The following TMTC1 variants were observed in gnomAD, a reference collection of about 807,000 sequenced individuals.
TMTC1 encodes the protein transmembrane O-mannosyltransferase targeting cadherins 1.
A neutral mutation model predicts 104.8 loss-of-function variants in TMTC1; 73 were observed. The ratio of observed to expected loss-of-function variants is 0.70; its 90% CI spans 0.58 to 0.85. The LOEUF (loss-of-function observed/expected upper bound fraction) is 0.85. Ranked by LOEUF, TMTC1 falls within the 40% of genes least tolerant of loss-of-function variation. TMTC1 has a pLI of 0.00. For missense variants in TMTC1, 1,035 were observed against 1,096.1 expected (o/e 0.94, Z 0.79); for synonymous variants, 434 against 428.7 (o/e 1.01, Z -0.15).
chr12:29,659,945 TC>T, intron 5 of TMTC1: 1 of 1,536,022 alleles, frequency 6.5e-7, no homozygotes, highest in Non-Finnish European at 8.7e-7. Flanking sequence ...GCATAGATCC[TC>T]CCATTATCCA....
intron 5 of TMTC1, chr12:29,658,861 A>G (rs2136633831): frequency 1.3e-5 from 2 of 152,496 alleles, no homozygotes; most frequent in South Asian, 4.1e-4. Context: ...TTCTTAAAAC[A>G]TTATAGCAAC....
chr12:29,753,848 G>A (rs138384929), intron 4 of TMTC1, among the ~76,000 whole-genome samples: 13 of 152,286 alleles, frequency 8.5e-5, no homozygotes, highest in East Asian at 3.9e-4. Context: ...CAGCACTACC[G>A]GATATGAAAG....
chr12:29,514,390 T>G, intron 16 of TMTC1, 92 bp downstream of exon 16: 1 of 1,353,672 alleles, frequency 7.4e-7, no homozygotes, highest in Non-Finnish European at 1.0e-6. Context: ...GCCAGTGATC[T>G]TAGATCTTAC....
At chr12:29,631,130 A>G (rs1332317214) in intron 6 of TMTC1, among the ~76,000 whole-genome samples, 1 of 152,162 alleles carries the variant, frequency 6.6e-6, no homozygotes, top group Non-Finnish European at 1.5e-5. Context: ...GAGTTTTAAG[A>G]GCACTTTTAA....
At chr12:29,533,277 C>A (rs977261541) in intron 11 of TMTC1, 1 of 152,062 alleles carries the variant, frequency 6.6e-6, no homozygotes, top group Non-Finnish European at 1.5e-5. Context: ...AAATTTCTCC[C>A]CTCAGGTTAC....
intron 15 of TMTC1, among the ~76,000 whole-genome samples, chr12:29,515,381 G>A (rs1174208651): frequency 6.6e-6 from 1 of 152,078 alleles, no homozygotes; most frequent in Non-Finnish European, 1.5e-5. Context: ...AAAACCCTTG[G>A]CCTGGCCCCA....
intron 6 of TMTC1, among the ~76,000 whole-genome samples, chr12:29,607,910 G>A (rs1946745683): frequency 6.6e-6 from 1 of 152,154 alleles, no homozygotes; most frequent in South Asian, 2.1e-4. Flanking sequence ...ACCCTACATT[G>A]CTAATCTTGT....
intron 5 of TMTC1, chr12:29,661,000 G>C: frequency 2.2e-6 from 1 of 451,112 alleles, no homozygotes; most frequent in Non-Finnish European, 3.4e-6. Context: ...AATGCTGAGA[G>C]CAGGGCCTCT....
At chr12:29,596,645 C>T (rs1316021714) in intron 7 of TMTC1, among the ~76,000 whole-genome samples, 1 of 152,186 alleles carries the variant, frequency 6.6e-6, no homozygotes, top group Non-Finnish European at 1.5e-5. Flanking sequence ...GTGCATTGAG[C>T]TTTTAACTGA....
intron 7 of TMTC1, among the ~76,000 whole-genome samples, chr12:29,590,927 C>T (rs553580773): frequency 6.6e-6 from 1 of 152,304 alleles, no homozygotes; most frequent in Non-Finnish European, 1.5e-5. Context: ...AAACTCCCTG[C>T]TTTATTAATT....
At chr12:29,629,716 G>A (rs1410681822) in intron 6 of TMTC1, among the ~76,000 whole-genome samples, 2 of 152,006 alleles carry the variant, frequency 1.3e-5, no homozygotes, top group Non-Finnish European at 2.9e-5. Context: ...TATTTTATGG[G>A]GTAATGAAAA....
rs1460538742 is a variant in TMTC1 at position 29,501,952 on chromosome 12, G to A, written c.*4894C>T. On this transcript the variant is annotated 3_prime_UTR_variant, in exon 18 of 18. Transcript: ENST00000539277. ...ATTACATGGCTACAAATAAAATATT[G>A]AGGGAAATAATATTTTTTGGAAGAA... The A allele has an allele frequency of 6.6e-6, 1 of 152,004 alleles. No homozygotes were observed. The highest frequency in any genetic ancestry group is 1.5e-5 in the Non-Finnish European group (1 of 67,982). The allele number at this position is 152,004 out of a possible 1,614,324, so 9.4% of individuals were successfully genotyped here. A position where few individuals can be genotyped will look rare whatever the true frequency, so the allele number is the denominator to read the frequency against.
At chr12:29,703,621 G>A (rs771021466) in intron 5 of TMTC1, among the ~76,000 whole-genome samples, 3 of 152,082 alleles carry the variant, frequency 2.0e-5, no homozygotes, top group African/African-American at 7.2e-5. Flanking sequence ...CCACAATGAG[G>A]CAATGAGATC....
At chr12:29,593,297 A>G (rs1470803675) in intron 7 of TMTC1, among the ~76,000 whole-genome samples, 1 of 152,168 alleles carries the variant, frequency 6.6e-6, no homozygotes, top group Non-Finnish European at 1.5e-5. Context: ...TCTGTAAACT[A>G]AAGGTGAAGT....
In TMTC1 at chr12:29,783,788, G is replaced by A; in HGVS notation, c.-37C>T. ...CGCCGCTGCTGCCCTGGCCTCTCCC[G>A]GGCGTCTGGCATCCTCCCCTACCGG... is the stretch of plus-strand genomic sequence containing the variant. On this transcript the variant is annotated 5_prime_UTR_variant, in exon 1 of 18. Coordinates refer to ENST00000539277, the MANE Select transcript of TMTC1 (RefSeq NM_001193451.2). The surrounding 1 kb of genome is among the most constrained non-coding windows in gnomAD (Gnocchi z 4.7). The A allele has an allele frequency of 1.8e-6, 2 of 1,128,880 alleles. No individual in the cohort carries two copies. Among genetic ancestry groups the A allele is most frequent in the Non-Finnish European group, 2.2e-6 (2 of 924,104 alleles). 69.9% of individuals were successfully genotyped at this position (1,128,880 alleles called of 1,614,324 possible).
Position 29,633,336 on chromosome 12 carries a change from T to C in TMTC1, c.939A>G (p.Arg313=). 6.3e-7 allele frequency: 1 copy of C among 1,599,138 alleles called. No individual in the cohort carries two copies. The highest frequency in any genetic ancestry group is 1.3e-5 in the African/African-American group (1 of 74,672). The change falls in exon 6 of 18, where the codon AGA becomes AGG. Residue 313 remains arginine (R), a splice_region_variant and synonymous_variant. Coordinates refer to ENST00000539277, the MANE Select transcript of TMTC1 (RefSeq NM_001193451.2). The part of the protein sequence containing the change: ...VSPRAVWSMM[R]FLTYSYLLAF... The stretch of plus-strand genomic sequence containing the variant: ...CCAAGAGGTAGGAATAGGTGAGGAA[T>C]CTATAAAGAGAAGAAGAATCACTGA...
intron 8 of TMTC1, among the ~76,000 whole-genome samples, chr12:29,582,594 C>T (rs1205207063): frequency 1.3e-5 from 2 of 152,180 alleles, no homozygotes; most frequent in Non-Finnish European, 2.9e-5. Context: ...TTGGGTGTGC[C>T]GGGTTCTTCA....
At chr12:29,784,053 C>A (rs568469335), upstream of TMTC1, among the ~76,000 whole-genome samples, 212 of 152,122 alleles carry the variant, frequency 1.4e-3, 1 homozygote, top group Middle Eastern at 6.8e-3. Flanking sequence ...CCGGTTCCCC[C>A]GCACAGCCCG....
intron 5 of TMTC1, among the ~76,000 whole-genome samples, chr12:29,738,146 CT>C (rs908863601): frequency 1.3e-5 from 2 of 152,102 alleles, no homozygotes; most frequent in African/African-American, 4.8e-5. Context: ...ACTAATTATT[CT>C]TATTTTATAG....
Sources: allele counts gnomAD v4.1 joint callset (sites outside exome capture counted in the v4.1 genomes callset), GRCh38; gene constraint gnomAD v4.1.1; non-coding constraint Gnocchi (gnomAD v3.1); transcripts MANE v1.5; gene names NCBI Gene and HGNC (gene_info 2026-07-23, HGNC 2026-07-21).